FXR1: variants seen among roughly 807,000 people sequenced by gnomAD.
The protein encoded by FXR1 is RNA-binding protein FXR1.
A neutral mutation model predicts 84.0 loss-of-function variants in FXR1; 15 were observed. The observed-to-expected ratio is 0.18, with a 90% confidence interval of 0.12 to 0.27. The LOEUF is 0.27. Ranked by LOEUF, FXR1 falls within the 10% of genes least tolerant of loss-of-function variation. FXR1 has a pLI of 1.00. For missense variants in FXR1, 480 were observed against 774.4 expected (o/e 0.62, Z 4.51); for synonymous variants, 245 against 250.7 (o/e 0.98, Z 0.21).
At chr3:180,939,011 T>C (rs2108451170) in intron 3 of FXR1, among the ~76,000 whole-genome samples, 1 of 152,190 alleles carries the variant, frequency 6.6e-6, no homozygotes, top group African/African-American at 2.4e-5. Flanking sequence ...TTGTCGTGCC[T>C]TGGCCTCTGA....
intron 3 of FXR1, among the ~76,000 whole-genome samples, chr3:180,936,567 C>T (rs2108448061): frequency 6.6e-6 from 1 of 152,324 alleles, no homozygotes; most frequent in South Asian, 2.1e-4. Flanking sequence ...CATACATGGC[C>T]TGATTTTTTA....
chr3:180,967,928 T>C, intron 13 of FXR1, 123 bp from the exon 14 acceptor site: 1 of 650,444 alleles, frequency 1.5e-6, no homozygotes, highest in Non-Finnish European at 2.8e-6. Flanking sequence ...CTTTCATGGA[T>C]CTTTCTTTGA....
intron 3 of FXR1, among the ~76,000 whole-genome samples, chr3:180,945,245 A>T (rs1200182429): frequency 2.0e-5 from 3 of 152,246 alleles, no homozygotes; most frequent in Non-Finnish European, 4.4e-5. Flanking sequence ...ATTTTAGCAC[A>T]TTTAGTCAGT....
chr3:180,939,259 T>TG (rs1447224886), intron 3 of FXR1, among the ~76,000 whole-genome samples: 24 of 152,028 alleles, frequency 1.6e-4, no homozygotes, highest in East Asian at 1.2e-3. Context: ...CTTATACCGG[T>TG]GGGGGGGTGT....
intron 13 of FXR1, among the ~76,000 whole-genome samples, chr3:180,967,411 A>G (rs1033113251): frequency 2.6e-5 from 4 of 152,196 alleles, no homozygotes; most frequent in Admixed American, 2.6e-4. Flanking sequence ...TACACTATAC[A>G]GTTAAACTAT....
intron 3 of FXR1, among the ~76,000 whole-genome samples, chr3:180,940,965 T>C (rs1197426897): frequency 6.6e-6 from 1 of 152,180 alleles, no homozygotes; most frequent in Non-Finnish European, 1.5e-5. Context: ...TTTTCTGGTT[T>C]AGTATTCATA....
At chr3:180,943,876 G>C (rs1342474265) in intron 3 of FXR1, among the ~76,000 whole-genome samples, 2 of 152,042 alleles carry the variant, frequency 1.3e-5, no homozygotes, top group South Asian at 2.1e-4. Flanking sequence ...CTGCCTCTCT[G>C]AGATAGTTAC....
intron 1 of FXR1, among the ~76,000 whole-genome samples, chr3:180,929,813 C>T (rs916714978): frequency 1.3e-5 from 2 of 152,154 alleles, no homozygotes; most frequent in African/African-American, 4.8e-5. Flanking sequence ...GAAATCTGGC[C>T]ATTAGAAACA....
At position 180,925,104 on chromosome 3, in the gene FXR1, C is replaced by T. The variant is rs183493463; in HGVS notation, c.52-8230C>T. On this transcript the variant is annotated intron_variant, in intron 1 of 16. Transcript: ENST00000357559. ...CCTGGCCGGGCGCGATGGCTCACGC[C>T]TGTAATCCCAGCACTTTGGGGGCTG... 2.5e-3 allele frequency among the ~76,000 whole-genome samples: 384 copies of T among 152,232 alleles called. 3 individuals are homozygous for T. The highest frequency in any genetic ancestry group is 8.5e-3 in the South Asian group (41 of 4,822).
At chr3:180,917,219 C>T (rs901558946) in intron 1 of FXR1, among the ~76,000 whole-genome samples, 1 of 152,120 alleles carries the variant, frequency 6.6e-6, no homozygotes, top group Non-Finnish European at 1.5e-5. Context: ...TTCTATAATT[C>T]CCTGTTTAGC....
intron 1 of FXR1, among the ~76,000 whole-genome samples, chr3:180,928,292 A>G (rs913002793): frequency 2.6e-5 from 4 of 151,888 alleles, no homozygotes; most frequent in African/African-American, 9.7e-5. Context: ...TATCTTTTCC[A>G]TCTTCATTAT....
rs566856486 is a variant in FXR1, at chr3:180,978,078, A to T, written c.*1786A>T. 6.6e-6 allele frequency: 1 copy of T among 152,144 alleles called. No individual in the cohort carries two copies. The highest frequency in any genetic ancestry group is 6.5e-5 in the Admixed American group (1 of 15,276). 9.4% of individuals were successfully genotyped at this position (152,144 alleles called of 1,614,324 possible). A position where few individuals can be genotyped will look rare whatever the true frequency, so the allele number is the denominator to read the frequency against. Reference sequence around the variant, plus strand: ...AAATGTGTTTTTTTAAATCGATCAAAGCTAGCAACAGGTTAAATTGTCTCA... The same window carrying T: ...AAATGTGTTTTTTTAAATCGATCAATGCTAGCAACAGGTTAAATTGTCTCA... On this transcript the variant is annotated 3_prime_UTR_variant, in exon 17 of 17. Transcript: ENST00000357559.
At position 180,943,740 on chromosome 3, in the gene FXR1, T is replaced by A. The variant is rs1482822548; in HGVS notation, c.199-4125T>A. Among the ~76,000 whole-genome samples the A allele has an allele frequency of 3.3e-5, 5 of 152,276 alleles. No individual in the cohort carries two copies. The East Asian group carries it at 9.7e-4, about 29-fold the overall frequency. On this transcript the variant is annotated intron_variant, in intron 3 of 16. Transcript: ENST00000357559. ...CTCCAGGCAGTTGAGATGGTTTATT[T>A]AGAAAGCCAGATTCATGAATGATTA... is the stretch of plus-strand genomic sequence containing the variant.
At position 180,959,157 on chromosome 3, in the gene FXR1, T is replaced by C. The variant is rs553457749; in HGVS notation, c.990+1229T>C. On this transcript the variant is annotated intron_variant, in intron 10 of 16. Transcript: ENST00000357559. ...TTAACGCTTTTACGTTGCTATAGAA[T>C]CTGAAAGTATTGACCATTTCTTAAT... Among the ~76,000 whole-genome samples the C allele has an allele frequency of 1.7e-3, 264 of 152,300 alleles. 1 individual carries two copies. Among genetic ancestry groups the C allele is most frequent in the Non-Finnish European group, 2.7e-3 (183 of 68,016 alleles).
In FXR1 at chr3:180,982,697, A is replaced by G. The variant is rs1181301713; in HGVS notation, c.*6405A>G. The G allele has an allele frequency of 6.6e-6, 1 of 152,176 alleles. No homozygotes were observed. The highest frequency in any genetic ancestry group is 1.5e-5 in the Non-Finnish European group (1 of 68,004). 9.4% of individuals were successfully genotyped at this position (152,176 alleles called of 1,614,324 possible). On this transcript the variant is annotated 3_prime_UTR_variant, in exon 17 of 17. Coordinates refer to ENST00000357559, the MANE Select transcript of FXR1 (RefSeq NM_005087.4). Reference sequence around the variant, plus strand: ...CTATTTCTTCATAAAGCTCTTGTTCAGAGAAACATTTTTTGATTTGTCCAA... The same window carrying G: ...CTATTTCTTCATAAAGCTCTTGTTCGGAGAAACATTTTTTGATTTGTCCAA...
At chr3:180,949,158 G>C (rs1257923074) in intron 6 of FXR1, 69 bp from the exon 7 acceptor site, 2 of 828,948 alleles carry the variant, frequency 2.4e-6, no homozygotes, top group Admixed American at 1.7e-5. Context: ...TTGCATAGAA[G>C]ATGGGATGGT....
rs371035174 is a variant in FXR1, at chr3:180,951,484, C to T, written c.801+16C>T. On this transcript the variant is annotated intron_variant, in intron 8 of 16. Coordinates refer to ENST00000357559, the MANE Select transcript of FXR1 (RefSeq NM_005087.4). ...CTACGGAGAGGTAAGTTCTCTTTCT[C>T]CTGCCTTGGCCTTTAGTGTATTAAC... 1.3e-4 allele frequency: 207 copies of T among 1,569,274 alleles called. No homozygotes were observed. The highest frequency in any genetic ancestry group is 1.7e-4 in the Non-Finnish European group (193 of 1,146,944).
In FXR1 at chr3:180,980,605, G is replaced by C. The variant is rs1714563743; in HGVS notation, c.*4313G>C. 6.6e-6 allele frequency: 1 copy of C among 151,978 alleles called. No individual in the cohort carries two copies. Among genetic ancestry groups the C allele is most frequent in the African/African-American group, 2.4e-5 (1 of 41,408 alleles). The allele number at this position is 151,978 out of a possible 1,614,324, so 9.4% of individuals were successfully genotyped here. A position where few individuals can be genotyped will look rare whatever the true frequency, so the allele number is the denominator to read the frequency against. On this transcript the variant is annotated 3_prime_UTR_variant, in exon 17 of 17. Transcript: ENST00000357559. The stretch of plus-strand genomic sequence containing the variant: ...AACTTGGCTGTCTTCAGGTTGTAAA[G>C]AAAAATGTAAACATATATTTGAAAT...
chr3:180,927,621 T>C, intron 1 of FXR1: 1 of 589,666 alleles, frequency 1.7e-6, no homozygotes, highest in South Asian at 2.0e-5. Flanking sequence ...AGTAAGCAGA[T>C]ATCCTGTGTA....
Sources: allele counts gnomAD v4.1 joint callset (sites outside exome capture counted in the v4.1 genomes callset), GRCh38; gene constraint gnomAD v4.1.1; transcripts MANE v1.5; gene names NCBI Gene and HGNC (gene_info 2026-07-23, HGNC 2026-07-21).